PRKG1: variants seen among roughly 807,000 people sequenced by gnomAD.
PRKG1 encodes the protein cGMP-dependent protein kinase 1.
In PRKG1, 35 loss-of-function variants were observed where a neutral mutation model predicts 88.1. The ratio of observed to expected loss-of-function variants is 0.40; its 90% CI spans 0.30 to 0.53. The LOEUF (loss-of-function observed/expected upper bound fraction) is 0.53. Among genes scored for constraint, PRKG1 ranks in the 20% least tolerant of loss-of-function variants. The pLI is 0.59. For synonymous variants in PRKG1, 303 were observed against 292.5 expected (o/e 1.04, Z -0.37); for missense variants, 540 against 839.8 (o/e 0.64, Z 4.41).
chr10:52,093,290 T>C (rs1173575614), intron 7 of PRKG1, among the ~76,000 whole-genome samples: 3 of 152,162 alleles, frequency 2.0e-5, no homozygotes, highest in African/African-American at 7.2e-5. Flanking sequence ...TTCTGAAATC[T>C]TTTTAAAAAG....
intron 3 of PRKG1, among the ~76,000 whole-genome samples, chr10:51,649,217 A>C (rs2132310343): frequency 6.6e-6 from 1 of 152,298 alleles, no homozygotes; most frequent in South Asian, 2.1e-4. Flanking sequence ...TTTCAAAACC[A>C]GTAATTCGCT....
intron 7 of PRKG1, among the ~76,000 whole-genome samples, chr10:52,120,212 A>G (rs1413823928): frequency 6.6e-6 from 1 of 152,164 alleles, no homozygotes; most frequent in Non-Finnish European, 1.5e-5. Flanking sequence ...TCACCTCTTA[A>G]AGATCCCACC....
At chr10:51,791,339 T>C (rs1838865076) in intron 3 of PRKG1, among the ~76,000 whole-genome samples, 1 of 152,164 alleles carries the variant, frequency 6.6e-6, no homozygotes, top group East Asian at 1.9e-4. Context: ...AAAATGCCTA[T>C]AAAATGTTTG....
chr10:52,208,627 C>T lies in PRKG1; in HGVS notation c.1077-42943C>T, dbSNP rs938015785. ...ACACTTACACGCCATTAATGTTCTA[C>T]TGGGAGTTTCAAGTAACACTGTATC... On this transcript the variant is annotated intron_variant, in intron 9 of 17. Transcript: ENST00000373980. 4.1e-4 allele frequency among the ~76,000 whole-genome samples: 63 copies of T among 152,282 alleles called. 1 individual carries two copies. The highest frequency in any genetic ancestry group is 1.4e-3 in the African/African-American group (59 of 41,558).
At chr10:51,526,642 C>T (rs968293617) in intron 3 of PRKG1, among the ~76,000 whole-genome samples, 2 of 152,170 alleles carry the variant, frequency 1.3e-5, no homozygotes, top group Non-Finnish European at 2.9e-5. Context: ...AGGTGGTCTG[C>T]TATTTTAAAA....
chr10:51,699,665 A>G lies in PRKG1; in HGVS notation c.593-104920A>G, dbSNP rs1309739855. 3 of 1,175,272 alleles carry G rather than the reference A, an allele frequency of 2.6e-6. No individual in the cohort carries two copies. In the Admixed American group the frequency reaches 7.1e-5, roughly 28 times the overall value. The allele number at this position is 1,175,272 out of a possible 1,614,324, so 72.8% of individuals were successfully genotyped here. On this transcript the variant is annotated intron_variant, in intron 3 of 17. Transcript: ENST00000373980. ...TCAAGATCCGGGCAGAAACTTTACTAATTCGCTTGAATCGTTCCGCTTGCC... is the reference window on the plus strand; with the variant it reads ...TCAAGATCCGGGCAGAAACTTTACTGATTCGCTTGAATCGTTCCGCTTGCC...
intron 2 of PRKG1, among the ~76,000 whole-genome samples, chr10:51,272,248 C>T (rs1225534940): frequency 1.3e-5 from 2 of 151,974 alleles, no homozygotes; most frequent in Non-Finnish European, 2.9e-5. Flanking sequence ...TTCCTTTGCC[C>T]ACTTTTTGAT....
chr10:52,179,212 T>A (rs1427881751), intron 9 of PRKG1, among the ~76,000 whole-genome samples: 1 of 152,150 alleles, frequency 6.6e-6, no homozygotes, highest in African/African-American at 2.4e-5. Context: ...TTTTCATGAT[T>A]CTAATTATTT....
chr10:51,771,240 T>G (rs1838296987), intron 3 of PRKG1, among the ~76,000 whole-genome samples: 1 of 152,202 alleles, frequency 6.6e-6, no homozygotes, highest in Admixed American at 6.5e-5. Flanking sequence ...AGCATTGTAA[T>G]CTTATGGGAC....
At chr10:52,062,735 C>A in intron 7 of PRKG1, 104 bp downstream of exon 7, 1 of 813,260 alleles carries the variant, frequency 1.2e-6, no homozygotes, top group Non-Finnish European at 2.1e-6. Context: ...TAGTGCTTAT[C>A]TCAATATCAA....
chr10:51,262,900 C>T (rs1213572668), intron 2 of PRKG1, among the ~76,000 whole-genome samples: 2 of 151,426 alleles, frequency 1.3e-5, no homozygotes, highest in African/African-American at 2.5e-5. Flanking sequence ...CTCCCTGACA[C>T]ATGGAGATTA....
chr10:51,219,177 G>A (rs1279514096), intron 2 of PRKG1, among the ~76,000 whole-genome samples: 1 of 152,052 alleles, frequency 6.6e-6, no homozygotes, highest in Non-Finnish European at 1.5e-5. Flanking sequence ...AAAATTAGTG[G>A]TGAACACACT....
chr10:52,253,811 G>C (rs1055551077), intron 10 of PRKG1, among the ~76,000 whole-genome samples: 2 of 152,032 alleles, frequency 1.3e-5, no homozygotes, highest in Admixed American at 6.6e-5. Flanking sequence ...TATTACTGCT[G>C]AGTGATAAAT....
At chr10:51,048,128 C>T (rs1210112031) in intron 1 of PRKG1, among the ~76,000 whole-genome samples, 3 of 152,188 alleles carry the variant, frequency 2.0e-5, no homozygotes, top group African/African-American at 7.2e-5. Context: ...CATATCACTT[C>T]AAAACCTCAT....
chr10:51,867,206 T>G (rs1290323058), intron 4 of PRKG1, among the ~76,000 whole-genome samples: 1 of 152,186 alleles, frequency 6.6e-6, no homozygotes, highest in African/African-American at 2.4e-5. Context: ...TTCAAGAATT[T>G]CAACATTTCT....
At chr10:52,028,504 A>G (rs1161658753) in intron 5 of PRKG1, among the ~76,000 whole-genome samples, 1 of 152,098 alleles carries the variant, frequency 6.6e-6, no homozygotes, top group African/African-American at 2.4e-5. Flanking sequence ...TCTCCACTTC[A>G]GTGTATCCCC....
intron 2 of PRKG1, among the ~76,000 whole-genome samples, chr10:51,194,239 T>C (rs1168585003): frequency 6.6e-6 from 1 of 151,868 alleles, no homozygotes; most frequent in African/African-American, 2.4e-5. Context: ...TTTTTTAGTT[T>C]TTTTTTTTTT....
At chr10:51,825,476 G>A (rs1371691317) in intron 4 of PRKG1, among the ~76,000 whole-genome samples, 1 of 152,056 alleles carries the variant, frequency 6.6e-6, no homozygotes, top group Non-Finnish European at 1.5e-5. Context: ...AACATTACAC[G>A]TTCACAGACA....
intron 1 of PRKG1, among the ~76,000 whole-genome samples, chr10:51,076,622 C>CA (rs1173321639): frequency 1.3e-5 from 2 of 152,162 alleles, no homozygotes; most frequent in African/African-American, 4.8e-5. Flanking sequence ...CTGATAACTC[C>CA]AGTTACACAT....
Sources: gnomAD v4.1 joint callset for allele counts (sites outside exome capture counted in the v4.1 genomes callset) on GRCh38, gnomAD v4.1.1 for gene constraint, MANE v1.5 for transcripts, NCBI Gene and HGNC (gene_info 2026-07-23, HGNC 2026-07-21) for gene names.